The following ASIC2 variants were observed in gnomAD, a reference collection of about 807,000 sequenced individuals.
ASIC2 encodes acid-sensing ion channel 2.
ASIC2 carries 25 observed loss-of-function variants against 57.3 expected under a neutral mutation model. The observed-to-expected ratio is 0.44, with a 90% CI of 0.32 to 0.61. The LOEUF is 0.61. Among genes scored for constraint, ASIC2 ranks in the 20% least tolerant of loss-of-function variants. The pLI is 0.06. For missense variants in ASIC2, 641 were observed against 738.1 expected, an observed-to-expected ratio of 0.87 and a Z score of 1.52; for synonymous variants, 319 against 307.5, an observed-to-expected ratio of 1.04 and a Z score of -0.39.
chr17:33,675,064 T>C (rs1907775080), intron 1 of ASIC2, among the ~76,000 whole-genome samples: 1 of 152,232 alleles, frequency 6.6e-6, no homozygotes. Flanking sequence ...AGCGTCCGCC[T>C]TCTGGTGTTG....
intron 1 of ASIC2, among the ~76,000 whole-genome samples, chr17:33,249,214 A>G (rs1306346951): frequency 6.6e-6 from 1 of 152,166 alleles, no homozygotes; most frequent in Admixed American, 6.5e-5. Context: ...TCACCGAGAT[A>G]CAGAAGACTG....
intron 1 of ASIC2, among the ~76,000 whole-genome samples, chr17:33,844,292 G>A (rs991260398): frequency 1.3e-5 from 2 of 152,222 alleles, no homozygotes; most frequent in East Asian, 3.9e-4. Flanking sequence ...GATGACCGTG[G>A]CATTTGTACT....
At chr17:33,584,964 G>A (rs1471154674) in intron 1 of ASIC2, among the ~76,000 whole-genome samples, 2 of 152,118 alleles carry the variant, frequency 1.3e-5, no homozygotes, top group African/African-American at 4.8e-5. Context: ...GGAGCAGACA[G>A]AGAGAGGAGG....
chr17:34,015,116 C>G (rs1238177032), intron 1 of ASIC2, among the ~76,000 whole-genome samples: 1 of 148,986 alleles, frequency 6.7e-6, no homozygotes, highest in Non-Finnish European at 1.5e-5. Flanking sequence ...GTTACATTGC[C>G]CAGGCTGGTC....
At position 33,629,801 on chromosome 17, in the gene ASIC2, C is replaced by A. The variant is rs146329879; in HGVS notation, c.556-517734G>T. On this transcript the variant is annotated intron_variant, in intron 1 of 9. Coordinates refer to the ASIC2 transcript ENST00000359872. Reference sequence around the variant, plus strand: ...AACCCAGTTCTGCCAGAAGCTCTGGCCTTCAGTAATATCCCAGGGAGAGAA... The same window carrying A: ...AACCCAGTTCTGCCAGAAGCTCTGGACTTCAGTAATATCCCAGGGAGAGAA... Among the ~76,000 whole-genome samples, 668 of 152,320 alleles carry A rather than the reference C, an allele frequency of 4.4e-3. 3 individuals are homozygous for A. The highest frequency in any genetic ancestry group is 0.015 in the African/African-American group (644 of 41,554).
intron 1 of ASIC2, among the ~76,000 whole-genome samples, chr17:33,174,102 T>G (rs984267325): frequency 6.6e-6 from 1 of 152,106 alleles, no homozygotes; most frequent in African/African-American, 2.4e-5. Context: ...ACCACTCATT[T>G]AGGAAAGTTC....
intron 1 of ASIC2, among the ~76,000 whole-genome samples, chr17:33,551,451 C>A (rs1915750492): frequency 6.6e-6 from 1 of 152,072 alleles, no homozygotes; most frequent in Admixed American, 6.6e-5. Flanking sequence ...GGAAGAGACA[C>A]CAAAGACAAA....
At chr17:33,539,341 G>A (rs1241292377) in intron 1 of ASIC2, among the ~76,000 whole-genome samples, 1 of 152,234 alleles carries the variant, frequency 6.6e-6, no homozygotes, top group Non-Finnish European at 1.5e-5. Flanking sequence ...CCTGCCATTG[G>A]CGCCTGCTTT....
chr17:33,677,929 G>A (rs183913234), intron 1 of ASIC2, among the ~76,000 whole-genome samples: 7 of 152,320 alleles, frequency 4.6e-5, no homozygotes, highest in Admixed American at 4.6e-4. Flanking sequence ...CTCCAGTTTT[G>A]AAGGCGTGGG....
chr17:33,795,301 G>C (rs1911885295), intron 1 of ASIC2, among the ~76,000 whole-genome samples: 1 of 152,228 alleles, frequency 6.6e-6, no homozygotes, highest in East Asian at 1.9e-4. Context: ...CCTTCCCTTG[G>C]ATTAGGAACA....
In ASIC2 at chr17:33,700,276, G is replaced by GA. The variant is rs1001621199; in HGVS notation, c.555+455701dup. ...GCTTTCCTCTGGACTCTGGGGAGGT[G>GA]AAAAAAAAAAGTTTTCTGTTGATAG... On this transcript the variant is annotated intron_variant, in intron 1 of 9. Coordinates refer to the ASIC2 transcript ENST00000359872. Among the ~76,000 whole-genome samples the GA allele has an allele frequency of 5.3e-3, 782 of 148,522 alleles. 6 individuals carry two copies. Among genetic ancestry groups the GA allele is most frequent in the African/African-American group, 0.018 (741 of 40,586 alleles).
intron 1 of ASIC2, among the ~76,000 whole-genome samples, chr17:33,761,283 C>T (rs1187768536): frequency 6.6e-6 from 1 of 152,032 alleles, no homozygotes; most frequent in Non-Finnish European, 1.5e-5. Flanking sequence ...TGTTAAAATC[C>T]AGAGGGAACT....
At chr17:33,213,539 G>A (rs1282279162) in intron 1 of ASIC2, among the ~76,000 whole-genome samples, 1 of 152,198 alleles carries the variant, frequency 6.6e-6, no homozygotes, top group East Asian at 1.9e-4. Flanking sequence ...TGGCTTAACT[G>A]AAAGACCATG....
At chr17:33,432,086 C>A (rs933672305) in intron 1 of ASIC2, among the ~76,000 whole-genome samples, 2 of 152,156 alleles carry the variant, frequency 1.3e-5, no homozygotes, top group African/African-American at 2.4e-5. Context: ...ACAATTGACC[C>A]TTGAACAACA....
chr17:33,741,584 A>T (rs1464865941), intron 1 of ASIC2, among the ~76,000 whole-genome samples: 1 of 152,202 alleles, frequency 6.6e-6, no homozygotes, highest in Non-Finnish European at 1.5e-5. Flanking sequence ...GGTGATGAAG[A>T]GTCTCCTGGA....
rs114155689 is a variant in ASIC2 at position 33,540,304 on chromosome 17, A to T, written c.556-428237T>A. ...ATGACACAAATCATATTGAATTAGGATTCACTCTAATGACCTCATTTTAAT... is the reference window on the plus strand; with the variant it reads ...ATGACACAAATCATATTGAATTAGGTTTCACTCTAATGACCTCATTTTAAT... On this transcript the variant is annotated intron_variant, in intron 1 of 9. Transcript: ENST00000359872. Among the ~76,000 whole-genome samples, 437 of 152,266 alleles carry T rather than the reference A, an allele frequency of 2.9e-3. 1 individual carries two copies. Among genetic ancestry groups the T allele is most frequent in the African/African-American group, 9.7e-3 (402 of 41,552 alleles).
chr17:33,304,978 AC>A (rs1224780425), intron 1 of ASIC2, among the ~76,000 whole-genome samples: 1 of 151,978 alleles, frequency 6.6e-6, no homozygotes, highest in Non-Finnish European at 1.5e-5. Context: ...TGGTGTTAGC[AC>A]CCGTGATGTG....
At chr17:33,920,549 C>T (rs1057256231) in intron 1 of ASIC2, among the ~76,000 whole-genome samples, 1 of 151,928 alleles carries the variant, frequency 6.6e-6, no homozygotes, top group Non-Finnish European at 1.5e-5. Context: ...ACAGTGGGGA[C>T]TACCAGAGAA....
Position 33,783,335 on chromosome 17 carries a change from G to A in ASIC2, c.555+372643C>T, listed in dbSNP as rs190798784. On this transcript the variant is annotated intron_variant, in intron 1 of 9. Coordinates refer to the ASIC2 transcript ENST00000359872. ...CTAATCCTGGTGAGATCTTGGCCAT[G>A]TAACATAACCTCTCCATGCCTCAGT... 7.2e-5 allele frequency among the ~76,000 whole-genome samples: 11 copies of A among 152,326 alleles called. No individual in the cohort carries two copies. The South Asian group carries it at 2.1e-3, about 29-fold the overall frequency.
Sources: allele counts gnomAD v4.1 joint callset (sites outside exome capture counted in the v4.1 genomes callset), GRCh38; gene constraint gnomAD v4.1.1; transcripts MANE v1.5; gene names NCBI Gene and HGNC (gene_info 2026-07-23, HGNC 2026-07-21).